STON2: variants seen among roughly 807,000 people sequenced by gnomAD.
STON2 encodes the protein stonin-2.
Under a neutral mutation model 65.7 loss-of-function variants are expected in STON2, and 29 were observed. That is an observed-to-expected ratio of 0.44 (90% CI 0.33 to 0.60). The LOEUF is 0.60. STON2 is among the 20% of genes least tolerant of loss of function. The probability of loss-of-function intolerance (pLI) is 0.03; values close to 1 mark genes in which losing one functional copy is unlikely to be tolerated. For missense variants in STON2, 1,054 were observed against 1,118.1 expected (o/e 0.94, Z 0.82); for synonymous variants, 404 against 414.2 (o/e 0.98, Z 0.30).
At chr14:81,433,605 TACCTTG>T (rs1902299537) in intron 1 of STON2, among the ~76,000 whole-genome samples, 1 of 152,234 alleles carries the variant, frequency 6.6e-6, no homozygotes, top group Admixed American at 6.5e-5. Flanking sequence ...CCATGTGAGT[TACCTTG>T]ACCAACAGCA....
intron 5 of STON2, among the ~76,000 whole-genome samples, chr14:81,305,450 T>G (rs1896134950): frequency 6.6e-6 from 1 of 152,246 alleles, no homozygotes; most frequent in Admixed American, 6.5e-5. Flanking sequence ...GAACTTTCAC[T>G]GATGAACACT....
intron 3 of STON2, among the ~76,000 whole-genome samples, chr14:81,389,853 A>G (rs1468267590): frequency 2.6e-5 from 4 of 152,234 alleles, no homozygotes; most frequent in Admixed American, 1.3e-4. Flanking sequence ...CAGACAAGTA[A>G]TTCTCCCAGC....
rs370308065 is a variant in STON2 at position 81,294,429 on chromosome 14, T to G, written c.743-15690A>C. Among the ~76,000 whole-genome samples the G allele has an allele frequency of 1.1e-3, 172 of 152,258 alleles. 1 individual carries two copies. Among genetic ancestry groups the G allele is most frequent in the African/African-American group, 4.0e-3 (166 of 41,556 alleles). ...GTTAAGAGCACGGACTATGGCTCCA[T>G]GCTGGTTCATCTCTTGGCTACTCTA... On this transcript the variant is annotated intron_variant, in intron 5 of 7. Coordinates refer to ENST00000614646, the MANE Select transcript of STON2 (RefSeq NM_001394390.1).
At chr14:81,382,919 CTTTG>C (rs746837985) in intron 3 of STON2, among the ~76,000 whole-genome samples, 6 of 152,168 alleles carry the variant, frequency 3.9e-5, no homozygotes, top group Non-Finnish European at 8.8e-5. Context: ...CTCTAATACA[CTTTG>C]TTTATTTTTC....
intron 2 of STON2, among the ~76,000 whole-genome samples, chr14:81,414,722 A>G (rs948637655): frequency 6.6e-6 from 1 of 152,190 alleles, no homozygotes; most frequent in African/African-American, 2.4e-5. Flanking sequence ...AGAAGGTACC[A>G]GGAATGACAC....
At chr14:81,335,884 C>A (rs1193681802) in intron 4 of STON2, among the ~76,000 whole-genome samples, 1 of 151,990 alleles carries the variant, frequency 6.6e-6, no homozygotes, top group Non-Finnish European at 1.5e-5. Flanking sequence ...GAGAGACAGA[C>A]AGATATACAC....
rs867152062 is a variant in STON2 at position 81,268,537 on chromosome 14, G to C, written c.2785-40C>G. The C allele has an allele frequency of 4.7e-6, 6 of 1,286,474 alleles. No homozygotes were observed. In the African/African-American group the frequency reaches 9.2e-5, roughly 20 times the overall value. 79.7% of individuals were successfully genotyped at this position (1,286,474 alleles called of 1,614,324 possible). A position where few individuals can be genotyped will look rare whatever the true frequency, so the allele number is the denominator to read the frequency against. ...AGTTGGAGATAAAGATCAAAAAGAA[G>C]AGAAAAAGCATGCAAATAAATAAGT... On this transcript the variant is annotated intron_variant, in intron 7 of 7. Coordinates refer to ENST00000614646, the MANE Select transcript of STON2 (RefSeq NM_001394390.1).
chr14:81,347,155 A>G (rs1897839932), intron 4 of STON2, among the ~76,000 whole-genome samples: 1 of 152,068 alleles, frequency 6.6e-6, no homozygotes, highest in Non-Finnish European at 1.5e-5. Context: ...TGAAAAGATA[A>G]AGAAAATTGA....
intron 7 of STON2, chr14:81,270,348 G>A: frequency 7.9e-7 from 1 of 1,269,328 alleles, no homozygotes. Flanking sequence ...ACCTCCCAAA[G>A]TGCTGGGATT....
At chr14:81,377,106 T>C (rs1899288013) in intron 3 of STON2, among the ~76,000 whole-genome samples, 1 of 152,218 alleles carries the variant, frequency 6.6e-6, no homozygotes, top group South Asian at 2.1e-4. Flanking sequence ...GTTCCATCAC[T>C]GCAAGGATCT....
intron 5 of STON2, 107 bp from the exon 6 acceptor site, chr14:81,278,846 A>C: frequency 1.1e-6 from 1 of 885,090 alleles, no homozygotes; most frequent in Non-Finnish European, 1.7e-6. Flanking sequence ...GGAATCCAGT[A>C]CATTCCAAAG....
intron 7 of STON2, chr14:81,269,750 A>G (rs2140097485): frequency 1.0e-6 from 1 of 985,324 alleles, no homozygotes; most frequent in South Asian, 4.7e-5. Context: ...CTTCTTTAAC[A>G]AACTCCTTTT....
At chr14:81,349,425 A>G (rs1214652707) in intron 4 of STON2, among the ~76,000 whole-genome samples, 1 of 152,162 alleles carries the variant, frequency 6.6e-6, no homozygotes, top group African/African-American at 2.4e-5. Context: ...AAGTGGGCAA[A>G]GGATCAAACA....
chr14:81,264,196 T>C lies in STON2; in HGVS notation c.*4218A>G. 1 of 985,478 alleles carries C rather than the reference T, an allele frequency of 1.0e-6. No homozygotes were observed. The highest frequency in any genetic ancestry group is 1.2e-6 in the Non-Finnish European group (1 of 829,938). The allele number at this position is 985,478 out of a possible 1,614,324, so 61.0% of individuals were successfully genotyped here. A position where few individuals can be genotyped will look rare whatever the true frequency, so the allele number is the denominator to read the frequency against. On this transcript the variant is annotated 3_prime_UTR_variant, in exon 8 of 8. Transcript: ENST00000614646. ...TTTGGGGCACAAAAATGTTTTTCAA[T>C]GTGAATGAGGTACATTGTAGTTCAA...
intron 5 of STON2, among the ~76,000 whole-genome samples, chr14:81,297,760 T>G (rs1360887445): frequency 6.6e-6 from 1 of 152,210 alleles, no homozygotes; most frequent in Non-Finnish European, 1.5e-5. Context: ...ACTGGCCAGC[T>G]GGGCACAGTG....
chr14:81,332,022 T>C (rs1369987829), intron 4 of STON2, among the ~76,000 whole-genome samples: 1 of 152,196 alleles, frequency 6.6e-6, no homozygotes, highest in African/African-American at 2.4e-5. Flanking sequence ...CATAAACATA[T>C]TTATGGGGTT....
At chr14:81,379,749 A>T (rs1899423743) in intron 3 of STON2, among the ~76,000 whole-genome samples, 1 of 152,212 alleles carries the variant, frequency 6.6e-6, no homozygotes. Flanking sequence ...TGGGGAAAAG[A>T]CTTTCTATTC....
At chr14:81,356,762 TC>T (rs1207560283) in intron 4 of STON2, among the ~76,000 whole-genome samples, 1 of 152,104 alleles carries the variant, frequency 6.6e-6, no homozygotes, top group Non-Finnish European at 1.5e-5. Flanking sequence ...GAGGAATTTA[TC>T]CATTTCTTCT....
At chr14:81,349,745 G>A (rs779872420) in intron 4 of STON2, among the ~76,000 whole-genome samples, 13 of 152,026 alleles carry the variant, frequency 8.6e-5, no homozygotes, top group Non-Finnish European at 1.6e-4. Flanking sequence ...CAAAGGAAAG[G>A]GTATCTGTTT....
Sources: gnomAD v4.1 joint callset for allele counts (sites outside exome capture counted in the v4.1 genomes callset) on GRCh38, gnomAD v4.1.1 for gene constraint, MANE v1.5 for transcripts, NCBI Gene and HGNC (gene_info 2026-07-23, HGNC 2026-07-21) for gene names.